The following ANKRD30A variants were observed in gnomAD, a reference collection of about 807,000 sequenced individuals.
The protein encoded by ANKRD30A is ankyrin repeat domain 30A.
Under a neutral mutation model 166.3 loss-of-function variants are expected in ANKRD30A, and 170 were observed. The observed-to-expected ratio is 1.02, with a 90% CI of 0.90 to 1.16. The LOEUF is 1.16. ANKRD30A is among the 50% of genes most tolerant of loss of function. The pLI, the probability that ANKRD30A is intolerant of heterozygous loss-of-function variation, is 0.00. For synonymous variants in ANKRD30A, 564 were observed against 508.9 expected, an observed-to-expected ratio of 1.11 and a Z score of -1.46; for missense variants, 1,630 against 1,518.0, an observed-to-expected ratio of 1.07 and a Z score of -1.23.
Position 37,165,165 on chromosome 10 carries a change from G to C in ANKRD30A, c.2064+10G>C, listed in dbSNP as rs763047930. On this transcript the variant is annotated intron_variant, in intron 18 of 35. Coordinates refer to ENST00000361713, the MANE Select transcript of ANKRD30A (RefSeq NM_052997.3). ...TTCTTGGGATACTGAGGTACTGTGT[G>C]TTGTTGATTTTTTTAAATATTAGTA... 6.2e-7 allele frequency: 1 copy of C among 1,602,040 alleles called. No individual in the cohort carries two copies. Among genetic ancestry groups the C allele is most frequent in the Middle Eastern group, 1.7e-4 (1 of 6,010 alleles).
intron 34 of ANKRD30A, among the ~76,000 whole-genome samples, chr10:37,227,627 G>A (rs1351227246): frequency 2.6e-5 from 4 of 151,828 alleles, no homozygotes; most frequent in Admixed American, 2.6e-4. Flanking sequence ...TCTTGAAAGA[G>A]CCCATGGCCA....
the ANKRD30A span, among the ~76,000 whole-genome samples, chr10:37,237,968 C>A: frequency 6.6e-6 from 1 of 152,070 alleles, no homozygotes. Flanking sequence ...TTGAAAGGGA[C>A]TTATAAAAAG....
downstream of ANKRD30A, among the ~76,000 whole-genome samples, chr10:37,234,211 A>G (rs943579235): frequency 6.6e-5 from 10 of 152,306 alleles, no homozygotes; most frequent in African/African-American, 2.2e-4. Context: ...ATAACTACGT[A>G]TACTTTTTCC....
At chr10:37,226,945 C>A (rs1843184166) in intron 34 of ANKRD30A, among the ~76,000 whole-genome samples, 1 of 151,816 alleles carries the variant, frequency 6.6e-6, no homozygotes. Flanking sequence ...AAACATGCAT[C>A]TTAGCCATGT....
At chr10:37,146,419 T>A (rs1837517521) in intron 8 of ANKRD30A, among the ~76,000 whole-genome samples, 1 of 152,254 alleles carries the variant, frequency 6.6e-6, no homozygotes, top group Non-Finnish European at 1.5e-5. Flanking sequence ...TTATCATGAA[T>A]AATTTCAGTG....
chr10:37,179,507 C>T (rs1442502583), intron 24 of ANKRD30A, among the ~76,000 whole-genome samples: 1 of 150,776 alleles, frequency 6.6e-6, no homozygotes, highest in Non-Finnish European at 1.5e-5. Context: ...GAATGAATAC[C>T]CATATTCCAA....
rs530923476 is a variant in ANKRD30A at position 37,131,998 on chromosome 10, A to G, written c.511-242A>G. Among the ~76,000 whole-genome samples, 76 of 152,344 alleles carry G rather than the reference A, an allele frequency of 5.0e-4. 2 individuals carry two copies. In the South Asian group the frequency reaches 6.2e-3, roughly 12 times the overall value. On this transcript the variant is annotated intron_variant, in intron 3 of 35. Coordinates refer to ENST00000361713, the MANE Select transcript of ANKRD30A (RefSeq NM_052997.3). ...AAGCTCTTGGTTTAGATGGGAAACCATAAAATCATTACAATATAATGATTT... is the reference window on the plus strand; with the variant it reads ...AAGCTCTTGGTTTAGATGGGAAACCGTAAAATCATTACAATATAATGATTT...
At chr10:37,132,747 C>T (rs111876304) in intron 4 of ANKRD30A, among the ~76,000 whole-genome samples, 42 of 152,198 alleles carry the variant, frequency 2.8e-4, no homozygotes, top group African/African-American at 9.4e-4. Context: ...CATGTTATCC[C>T]ACCACTTTGG....
intron 25 of ANKRD30A, among the ~76,000 whole-genome samples, chr10:37,190,382 G>A (rs1364854934): frequency 6.6e-6 from 1 of 151,712 alleles, no homozygotes; most frequent in Admixed American, 6.6e-5. Context: ...GGACAGAAAA[G>A]GTCAGGAGAA....
the ANKRD30A span, among the ~76,000 whole-genome samples, chr10:37,263,064 T>C: frequency 6.6e-6 from 1 of 152,194 alleles, no homozygotes; most frequent in African/African-American, 2.4e-5. Context: ...TTTATAGATG[T>C]TCCATCATTT....
Position 37,150,402 on chromosome 10 carries a change from T to G in ANKRD30A, c.1645+553T>G, listed in dbSNP as rs1366404513. On this transcript the variant is annotated intron_variant, in intron 11 of 35. Transcript: ENST00000361713. ...CTTTACCTTGTAAAGATGAGGAAAG[T>G]AATTAGTCATTTCTTTGTGAATATT... Among the ~76,000 whole-genome samples the G allele has an allele frequency of 6.6e-5, 10 of 151,886 alleles. No homozygotes were observed. In the East Asian group the frequency reaches 1.7e-3, roughly 26 times the overall value.
intron 34 of ANKRD30A, among the ~76,000 whole-genome samples, chr10:37,227,144 A>C (rs1319405564): frequency 1.3e-5 from 2 of 151,914 alleles, no homozygotes; most frequent in African/African-American, 2.4e-5. Flanking sequence ...GTATATTTTC[A>C]AGCATAGCAG....
intron 34 of ANKRD30A, 109 bp from the exon 35 acceptor site, chr10:37,231,352 G>A (rs1042574761): frequency 3.6e-6 from 3 of 830,928 alleles, no homozygotes; most frequent in Admixed American, 5.9e-5. Context: ...GGCTTAATGG[G>A]AAATGTTATT....
chr10:37,257,137 C>T, the ANKRD30A span, among the ~76,000 whole-genome samples: 3 of 151,684 alleles, frequency 2.0e-5, no homozygotes, highest in Non-Finnish European at 4.4e-5. Flanking sequence ...GTGTATGTGT[C>T]CAGGAATTTA....
chr10:37,244,330 G>T, the ANKRD30A span, among the ~76,000 whole-genome samples: 1 of 152,104 alleles, frequency 6.6e-6, no homozygotes, highest in Non-Finnish European at 1.5e-5. Context: ...TAGTCAGACT[G>T]GCACCACGTA....
chr10:37,241,773 G>A, the ANKRD30A span, among the ~76,000 whole-genome samples: 1 of 152,028 alleles, frequency 6.6e-6, no homozygotes, highest in African/African-American at 2.4e-5. Flanking sequence ...AAAAAATAAG[G>A]TTTTCCTAAG....
chr10:37,196,091 C>CCATTT (rs1554823841), intron 27 of ANKRD30A, among the ~76,000 whole-genome samples: 1 of 115,622 alleles, frequency 8.6e-6, no homozygotes. Flanking sequence ...TTTATATTTT[C>CCATTT]TATTTTTTTT....
the ANKRD30A span, among the ~76,000 whole-genome samples, chr10:37,255,375 C>T: frequency 2.0e-5 from 3 of 152,162 alleles, no homozygotes; most frequent in Admixed American, 1.3e-4. Flanking sequence ...CCAATATATC[C>T]ATGTAACAAA....
At chr10:37,209,674 A>G (rs1020131296) in intron 31 of ANKRD30A, among the ~76,000 whole-genome samples, 1 of 152,200 alleles carries the variant, frequency 6.6e-6, no homozygotes, top group Non-Finnish European at 1.5e-5. Flanking sequence ...GTTTAGAATT[A>G]TACCTCTTTT....
Sources: gnomAD v4.1 joint callset for allele counts (sites outside exome capture counted in the v4.1 genomes callset) on GRCh38, gnomAD v4.1.1 for gene constraint, MANE v1.5 for transcripts, NCBI Gene and HGNC (gene_info 2026-07-23, HGNC 2026-07-21) for gene names.